ADCY1: variants seen among roughly 807,000 people sequenced by gnomAD.
The protein encoded by ADCY1 is adenylate cyclase 1.
A neutral mutation model predicts 105.4 loss-of-function variants in ADCY1; 28 were observed. That is an observed-to-expected ratio of 0.27 (90% confidence interval 0.20 to 0.36). The LOEUF (loss-of-function observed/expected upper bound fraction) is 0.36. ADCY1 is among the 10% of genes least tolerant of loss of function. The pLI, the probability that ADCY1 is intolerant of heterozygous loss-of-function variation, is 1.00. For missense variants in ADCY1, 977 were observed against 1,434.2 expected (o/e 0.68, Z 5.15); for synonymous variants, 655 against 623.8 (o/e 1.05, Z -0.75).
chr7:45,666,305 G>T (rs1784254225), intron 8 of ADCY1, among the ~76,000 whole-genome samples: 1 of 152,066 alleles, frequency 6.6e-6, no homozygotes, highest in Non-Finnish European at 1.5e-5. Context: ...ACCACAACAG[G>T]CCCTGGGGTG....
At position 45,694,309 on chromosome 7, in the gene ADCY1, TAGA is replaced by T. The variant is rs550464505; in HGVS notation, c.2454+7639_2454+7641del. Among the ~76,000 whole-genome samples the T allele has an allele frequency of 2.0e-3, 302 of 152,256 alleles. 2 individuals carry two copies. The highest frequency in any genetic ancestry group is 7.0e-3 in the African/African-American group (291 of 41,562). ...TTCCTTAACTACAATATAATTAAAT[TAGA>T]AGTCCATAACAGAAAGATCTCTGAG... On this transcript the variant is annotated intron_variant, in intron 14 of 19. Transcript: ENST00000297323.
intron 17 of ADCY1, among the ~76,000 whole-genome samples, chr7:45,706,908 G>A (rs1398740246): frequency 6.6e-6 from 1 of 152,102 alleles, no homozygotes; most frequent in African/African-American, 2.4e-5. Flanking sequence ...ATTCGAACAG[G>A]CACCTCACCA....
In ADCY1 at chr7:45,708,416, C is replaced by T; in HGVS notation, c.2884C>T (p.Leu962=). The change falls in exon 18 of 20, where the codon CTG becomes TTG. Residue 962 remains leucine (L), a synonymous_variant. Transcript: ENST00000297323. This position sits in a 1 kb window ranked among gnomAD's most constrained non-coding sequence, Gnocchi z 4.7. ...CTTTGCCATTGAGATGTTTGACGTT[C>T]TGGATGAAATCAACTACCAGTCTTA... The part of the protein sequence containing the change: ...ADFAIEMFDV[L]DEINYQSYND... 6.2e-7 allele frequency: 1 copy of T among 1,614,228 alleles called. No individual in the cohort carries two copies. Among genetic ancestry groups the T allele is most frequent in the Non-Finnish European group, 8.5e-7 (1 of 1,180,034 alleles).
At chr7:45,632,397 A>G (rs570246244) in intron 4 of ADCY1, among the ~76,000 whole-genome samples, 1 of 152,316 alleles carries the variant, frequency 6.6e-6, no homozygotes, top group South Asian at 2.1e-4. Context: ...TGTTGAATCT[A>G]TGTTACCAAT....
intron 2 of ADCY1, among the ~76,000 whole-genome samples, chr7:45,596,850 A>G (rs1283155298): frequency 5.3e-5 from 8 of 152,212 alleles, no homozygotes; most frequent in African/African-American, 1.9e-4. Flanking sequence ...CTAGCAGGAA[A>G]GAGACATCAT....
intron 4 of ADCY1, among the ~76,000 whole-genome samples, chr7:45,639,795 TG>T (rs1318582558): frequency 6.6e-6 from 1 of 152,116 alleles, no homozygotes; most frequent in African/African-American, 2.4e-5. Flanking sequence ...GTCAGTGTGG[TG>T]AGGTTAGACA....
intron 4 of ADCY1, among the ~76,000 whole-genome samples, chr7:45,630,005 C>T (rs1240641353): frequency 6.6e-6 from 1 of 152,026 alleles, no homozygotes; most frequent in African/African-American, 2.4e-5. Context: ...TTTTAATTTC[C>T]TATTTTTTAA....
chr7:45,622,237 G>A (rs1793919594), intron 3 of ADCY1, among the ~76,000 whole-genome samples: 1 of 152,134 alleles, frequency 6.6e-6, no homozygotes, highest in Admixed American at 6.5e-5. Context: ...AGGATGTGGA[G>A]GGGCCCACAT....
chr7:45,624,476 AT>A (rs1246020393), intron 4 of ADCY1, among the ~76,000 whole-genome samples: 1 of 152,028 alleles, frequency 6.6e-6, no homozygotes. Context: ...AGTGGAAAAG[AT>A]CAGCACCTTT....
chr7:45,639,601 G>T (rs1794486006), intron 4 of ADCY1, among the ~76,000 whole-genome samples: 1 of 152,234 alleles, frequency 6.6e-6, no homozygotes, highest in African/African-American at 2.4e-5. Context: ...TGGGAGCACA[G>T]CCCCTTAGTT....
chr7:45,651,188 T>G (rs907842345), intron 5 of ADCY1, among the ~76,000 whole-genome samples: 55 of 152,300 alleles, frequency 3.6e-4, no homozygotes, highest in African/African-American at 1.3e-3. Flanking sequence ...TTCCTGGCTC[T>G]GGACCGGAAG....
At position 45,722,149 on chromosome 7, in the gene ADCY1, T is replaced by G; in HGVS notation, c.*8154T>G. ...AAGTCTCAGGGGACCATTCCCACAT[T>G]GGGGGATCCTGAGGGAGCCCATCAC... On this transcript the variant is annotated 3_prime_UTR_variant, in exon 20 of 20. Coordinates refer to ENST00000297323, the MANE Select transcript of ADCY1 (RefSeq NM_021116.4). The G allele has an allele frequency of 3.6e-6, 1 of 276,168 alleles. No homozygotes were observed. Among genetic ancestry groups the G allele is most frequent in the Non-Finnish European group, 6.7e-6 (1 of 148,330 alleles). 17.1% of individuals were successfully genotyped at this position (276,168 alleles called of 1,614,324 possible).
chr7:45,665,559 A>G (rs1017731290), intron 8 of ADCY1, among the ~76,000 whole-genome samples: 4 of 152,264 alleles, frequency 2.6e-5, no homozygotes, highest in Non-Finnish European at 5.9e-5. Context: ...TAAATATTTA[A>G]GCTTGAATTA....
chr7:45,638,658 A>G (rs906858474), intron 4 of ADCY1, among the ~76,000 whole-genome samples: 2 of 152,164 alleles, frequency 1.3e-5, no homozygotes, highest in African/African-American at 4.8e-5. Context: ...GTTGTTGGAC[A>G]TGCAGGTGGC....
intron 4 of ADCY1, among the ~76,000 whole-genome samples, chr7:45,625,460 T>C (rs1444283164): frequency 6.6e-6 from 1 of 152,180 alleles, no homozygotes; most frequent in East Asian, 1.9e-4. Context: ...TGTGTGAGTG[T>C]GCACATATGT....
chr7:45,587,264 G>A (rs1013893768), intron 1 of ADCY1, among the ~76,000 whole-genome samples: 14 of 152,190 alleles, frequency 9.2e-5, no homozygotes, highest in Non-Finnish European at 1.8e-4. Flanking sequence ...TGGCCAGGGC[G>A]TGTGCTTCCA....
At chr7:45,663,547 C>A (rs865958331) in intron 8 of ADCY1, among the ~76,000 whole-genome samples, 1 of 152,138 alleles carries the variant, frequency 6.6e-6, no homozygotes. Context: ...TTGGCTGGAT[C>A]GGTGGGCTCA....
chr7:45,660,278 A>C (rs964548847), intron 7 of ADCY1, 95 bp downstream of exon 7: 2 of 1,512,872 alleles, frequency 1.3e-6, no homozygotes, highest in African/African-American at 2.8e-5. Flanking sequence ...CTCTCCAAGC[A>C]CTGCTTCTCT....
At chr7:45,662,700 C>G (rs946515994) in intron 8 of ADCY1, among the ~76,000 whole-genome samples, 1 of 152,156 alleles carries the variant, frequency 6.6e-6, no homozygotes, top group Non-Finnish European at 1.5e-5. Flanking sequence ...CTCTGTTACT[C>G]TCGGTTAGCA....
Sources: gnomAD v4.1 joint callset for allele counts (sites outside exome capture counted in the v4.1 genomes callset) on GRCh38, gnomAD v4.1.1 for gene constraint, Gnocchi (gnomAD v3.1) non-coding constraint, MANE v1.5 for transcripts, NCBI Gene and HGNC (gene_info 2026-07-23, HGNC 2026-07-21) for gene names.